Variants in ARID4B observed in about 807,000 individuals in gnomAD.
ARID4B encodes the protein AT-rich interaction domain 4B.
In ARID4B, 26 loss-of-function variants were observed where a neutral mutation model predicts 147.5. That is an observed-to-expected ratio of 0.18 (90% CI 0.13 to 0.24). The LOEUF (loss-of-function observed/expected upper bound fraction) is 0.24. Among genes scored for constraint, ARID4B ranks in the 10% least tolerant of loss-of-function variants. The pLI is 1.00. For missense variants in ARID4B, 1,179 were observed against 1,511.5 expected (o/e 0.78, Z 3.65); for synonymous variants, 512 against 507.9 (o/e 1.01, Z -0.11).
chr1:235,279,101 T>C (rs1004889996), intron 2 of ARID4B, among the ~76,000 whole-genome samples: 1 of 152,028 alleles, frequency 6.6e-6, no homozygotes, highest in Non-Finnish European at 1.5e-5. Context: ...TTGTTAGAAA[T>C]GCAAATTCCC....
chr1:235,283,198 A>T (rs1192856599), intron 2 of ARID4B, among the ~76,000 whole-genome samples: 2 of 152,242 alleles, frequency 1.3e-5, no homozygotes, highest in African/African-American at 4.8e-5. Context: ...GGTATAAAAG[A>T]GCAAAGAGAG....
In ARID4B at chr1:235,168,317, T is replaced by G. The variant is rs909210487; in HGVS notation, c.*208A>C. 2.0e-5 allele frequency: 10 copies of G among 492,032 alleles called. No homozygotes were observed. The highest frequency in any genetic ancestry group is 2.0e-4 in the African/African-American group (10 of 50,698). 30.5% of individuals were successfully genotyped at this position (492,032 alleles called of 1,614,324 possible). On this transcript the variant is annotated 3_prime_UTR_variant, in exon 24 of 24. Transcript: ENST00000264183. The stretch of plus-strand genomic sequence containing the variant: ...ACCAGACACACAATTCCCAGACAAG[T>G]TGGAAACAATTATTGCTTGAGGAAA...
At chr1:235,250,055 C>T (rs1007337337) in intron 6 of ARID4B, among the ~76,000 whole-genome samples, 1 of 151,668 alleles carries the variant, frequency 6.6e-6, no homozygotes, top group Admixed American at 6.6e-5. Context: ...TGCAGTGAGC[C>T]GAGATCGCAC....
intron 6 of ARID4B, among the ~76,000 whole-genome samples, chr1:235,251,480 G>A (rs897070397): frequency 7.2e-5 from 11 of 152,014 alleles, no homozygotes; most frequent in Non-Finnish European, 1.3e-4. Flanking sequence ...ATAATACAGA[G>A]AACCTGTCCA....
intron 5 of ARID4B, among the ~76,000 whole-genome samples, chr1:235,254,770 C>T (rs1669846034): frequency 6.6e-6 from 1 of 151,832 alleles, no homozygotes; most frequent in Non-Finnish European, 1.5e-5. Context: ...AAAGAGCCAG[C>T]AACTCAAAAC....
intron 2 of ARID4B, among the ~76,000 whole-genome samples, chr1:235,302,989 G>A (rs1452452524): frequency 5.3e-5 from 8 of 151,082 alleles, no homozygotes; most frequent in South Asian, 4.2e-4. Flanking sequence ...GCAGTGGCGC[G>A]ATCGGCTCAA....
chr1:235,209,030 G>A (rs1666518700), intron 17 of ARID4B, among the ~76,000 whole-genome samples: 1 of 152,100 alleles, frequency 6.6e-6, no homozygotes, highest in African/African-American at 2.4e-5. Flanking sequence ...AAGAGTTCAA[G>A]CCCTTTCCAG....
At chr1:235,275,572 G>A (rs1671269251) in intron 2 of ARID4B, among the ~76,000 whole-genome samples, 1 of 152,076 alleles carries the variant, frequency 6.6e-6, no homozygotes, top group African/African-American at 2.4e-5. Context: ...TCCCCTCTTT[G>A]GGTACCATGA....
chr1:235,278,398 C>T (rs1671473292), intron 2 of ARID4B, among the ~76,000 whole-genome samples: 1 of 152,070 alleles, frequency 6.6e-6, no homozygotes, highest in Admixed American at 6.5e-5. Context: ...TCATGAAAAA[C>T]ATTTCATGGC....
chr1:235,297,025 G>C (rs1201847536), intron 2 of ARID4B, among the ~76,000 whole-genome samples: 1 of 151,996 alleles, frequency 6.6e-6, no homozygotes, highest in Non-Finnish European at 1.5e-5. Context: ...TATATTTGAT[G>C]TCATTAATGT....
intron 6 of ARID4B, among the ~76,000 whole-genome samples, chr1:235,247,902 C>A (rs138898821): frequency 1.3e-5 from 2 of 152,014 alleles, no homozygotes; most frequent in Non-Finnish European, 2.9e-5. Flanking sequence ...GCAGGAGAAT[C>A]GCTTGAACCC....
intron 19 of ARID4B, among the ~76,000 whole-genome samples, chr1:235,183,632 G>T (rs1474508436): frequency 3.9e-5 from 6 of 152,140 alleles, no homozygotes; most frequent in South Asian, 2.1e-4. Context: ...AAACTCCTAG[G>T]CTCAAGAGAT....
At chr1:235,219,603 A>C (rs1667308698) in intron 16 of ARID4B, among the ~76,000 whole-genome samples, 190 bp downstream of exon 16, 1 of 152,214 alleles carries the variant, frequency 6.6e-6, no homozygotes, top group Non-Finnish European at 1.5e-5. Context: ...TCAAAGTATG[A>C]TCTTTCTCTA....
intron 2 of ARID4B, among the ~76,000 whole-genome samples, chr1:235,319,658 C>T (rs1341968849): frequency 6.6e-6 from 1 of 152,072 alleles, no homozygotes; most frequent in East Asian, 1.9e-4. Flanking sequence ...CATGGTCATA[C>T]TCAGTTCCAA....
chr1:235,243,034 C>T (rs1413484869), intron 7 of ARID4B, among the ~76,000 whole-genome samples: 1 of 151,970 alleles, frequency 6.6e-6, no homozygotes, highest in African/African-American at 2.4e-5. Context: ...GTTTAATTCG[C>T]TATCTCCTCC....
At chr1:235,292,130 T>C (rs1050988660) in intron 2 of ARID4B, among the ~76,000 whole-genome samples, 1 of 152,196 alleles carries the variant, frequency 6.6e-6, no homozygotes. Context: ...TGTAAGTTGT[T>C]TGCTTCTTCA....
chr1:235,274,328 T>C (rs1671174111), intron 2 of ARID4B, among the ~76,000 whole-genome samples: 1 of 151,916 alleles, frequency 6.6e-6, no homozygotes, highest in African/African-American at 2.4e-5. Context: ...TGAGCTGAGA[T>C]TACACCACTG....
chr1:235,323,500 A>G (rs1219636844), intron 2 of ARID4B, among the ~76,000 whole-genome samples: 1 of 152,030 alleles, frequency 6.6e-6, no homozygotes, highest in East Asian at 1.9e-4. Context: ...AAAAGTAAAA[A>G]TCGGCCGGGC....
chr1:235,226,690 T>A (rs975377656), intron 11 of ARID4B, among the ~76,000 whole-genome samples: 1 of 152,084 alleles, frequency 6.6e-6, no homozygotes, highest in Non-Finnish European at 1.5e-5. Flanking sequence ...CCCGGCTAAT[T>A]TTTTGGTGTT....
Sources: gnomAD v4.1 joint callset for allele counts (sites outside exome capture counted in the v4.1 genomes callset) on GRCh38, gnomAD v4.1.1 for gene constraint, MANE v1.5 for transcripts, NCBI Gene and HGNC (gene_info 2026-07-23, HGNC 2026-07-21) for gene names.